Variants in USP54 observed in about 807,000 individuals in gnomAD.
USP54 encodes the protein ubiquitin carboxyl-terminal hydrolase 54.
USP54 carries 87 observed loss-of-function variants against 170.5 expected under a neutral mutation model. That is an observed-to-expected ratio of 0.51 (90% CI 0.43 to 0.61). The LOEUF is 0.61. Among genes scored for constraint, USP54 ranks in the 20% least tolerant of loss-of-function variants. The pLI is 0.00. For missense variants in USP54, 1,786 were observed against 2,047.8 expected (o/e 0.87, Z 2.47); for synonymous variants, 655 against 742.8 (o/e 0.88, Z 1.92).
At chr10:73,551,630 C>T (rs1365836161) in intron 4 of USP54, among the ~76,000 whole-genome samples, 3 of 152,188 alleles carry the variant, frequency 2.0e-5, no homozygotes, top group African/African-American at 7.2e-5. Flanking sequence ...AGAAGGTCAA[C>T]CCAGCTTGGC....
chr10:73,593,436 T>C (rs1207337756), upstream of USP54, among the ~76,000 whole-genome samples: 1 of 151,712 alleles, frequency 6.6e-6, no homozygotes, highest in Non-Finnish European at 1.5e-5. Context: ...GGTACATGAT[T>C]GCTAACTACG....
intron 20 of USP54, among the ~76,000 whole-genome samples, chr10:73,514,553 ACT>A (rs2060749390): frequency 2.0e-5 from 3 of 149,286 alleles, no homozygotes; most frequent in South Asian, 4.3e-4. Flanking sequence ...ACAGAGCGAG[ACT>A]CTGTCTCAAA....
chr10:73,507,016 T>C (rs776033342), intron 20 of USP54: 2 of 151,960 alleles, frequency 1.3e-5, no homozygotes, highest in Non-Finnish European at 2.9e-5. Context: ...TACATTATGG[T>C]TTAATACCAG....
intron 4 of USP54, among the ~76,000 whole-genome samples, chr10:73,569,553 G>A (rs184311119): frequency 5.3e-5 from 8 of 151,928 alleles, no homozygotes; most frequent in East Asian, 3.9e-4. Flanking sequence ...AGGCCGAGGC[G>A]GGCGTCACCT....
rs765904148 is a variant in USP54 at position 73,536,300 on chromosome 10, G to A, written c.1113C>T (p.Tyr371=). The change falls in exon 11 of 24, where the codon TAC becomes TAT. Residue 371 remains tyrosine (Y), a synonymous_variant. Transcript: ENST00000687698. ...CTTCACTGTCGTAGCATGTCCTGCT[G>A]TATGACTGGAACTCAGCTTGGGGAG... ...DLPPQAEFQS[Y]SRTCYDSEDS... is the part of the protein sequence containing the mutation. 6.2e-7 allele frequency: 1 copy of A among 1,614,166 alleles called. No homozygotes were observed. The highest frequency in any genetic ancestry group is 8.5e-7 in the Non-Finnish European group (1 of 1,180,016).
chr10:73,556,534 C>T (rs1055025500), intron 4 of USP54, among the ~76,000 whole-genome samples: 4 of 151,940 alleles, frequency 2.6e-5, no homozygotes, highest in African/African-American at 9.6e-5. Context: ...TTAGTAGAGA[C>T]AGGGTTTCAC....
intron 12 of USP54, among the ~76,000 whole-genome samples, chr10:73,532,510 T>C (rs1481947270): frequency 6.6e-6 from 1 of 152,188 alleles, no homozygotes; most frequent in Admixed American, 6.5e-5. Context: ...CCAATGGGCA[T>C]GTTCAAACCA....
intron 20 of USP54, 197 bp from the exon 21 acceptor site, chr10:73,505,623 C>T (rs1262131228): frequency 1.8e-5 from 8 of 451,464 alleles, no homozygotes; most frequent in Non-Finnish European, 4.0e-6. Flanking sequence ...GTAATCCCAG[C>T]ACTTTGGGAG....
At chr10:73,596,720 CAAAAAAAAAA>C (rs36049099) in intron 1 of USP54, among the ~76,000 whole-genome samples, 50 of 91,858 alleles carry the variant, frequency 5.4e-4, no homozygotes, top group African/African-American at 2.3e-3. Context: ...GATCCTGTCT[CAAAAAAAAAA>C]AAAAAAAAAA....
chr10:73,535,764 G>A (rs1257188703), intron 11 of USP54, among the ~76,000 whole-genome samples: 10 of 152,130 alleles, frequency 6.6e-5, no homozygotes, highest in Admixed American at 3.3e-4. Context: ...GGCTAGGCTC[G>A]AACTCCAGGG....
intron 4 of USP54, among the ~76,000 whole-genome samples, chr10:73,567,392 TG>T (rs1176447142): frequency 2.6e-5 from 4 of 152,056 alleles, no homozygotes; most frequent in Admixed American, 6.6e-5. Context: ...CGTACTGGGC[TG>T]GGTGCAGTGG....
At chr10:73,621,955 C>T (rs900030566) in intron 1 of USP54, among the ~76,000 whole-genome samples, 14 of 152,160 alleles carry the variant, frequency 9.2e-5, no homozygotes, top group Non-Finnish European at 1.8e-4. Flanking sequence ...TCCATTTATA[C>T]CTTCCAAGTC....
At position 73,498,788 on chromosome 10, in the gene USP54, T is replaced by C; in HGVS notation, c.4896A>G (p.Arg1632=). The C allele has an allele frequency of 1.2e-6, 2 of 1,613,352 alleles. No homozygotes were observed. The highest frequency in any genetic ancestry group is 1.7e-6 in the Non-Finnish European group (2 of 1,179,708). The change falls in exon 24 of 24, where the codon CGA becomes CGG. Residue 1632 remains arginine, a synonymous_variant. Transcript: ENST00000687698. ...CATCATCTGGGGGCATATCTACTCT[T>C]CGAGGACCAGGGGTTCGGGACCCTG... ...PVPGSRTPGP[R]RVDMPPDDDW...
rs536790963 is a variant in USP54 at position 73,618,481 on chromosome 10, G to A, written c.-18+7086C>T. On this transcript the variant is annotated intron_variant, in intron 1 of 22. Coordinates refer to the USP54 transcript ENST00000339859. ...GCTGGGGCCGGGCACAGGGGCTCAC[G>A]CCTGTAATCCCAGCACTTTGGGAGG... Among the ~76,000 whole-genome samples the A allele has an allele frequency of 1.0e-4, 15 of 150,414 alleles. No individual in the cohort carries two copies. The South Asian group carries it at 2.3e-3, about 23-fold the overall frequency.
In USP54 at chr10:73,516,731, A is replaced by G. The variant is rs894563633; in HGVS notation, c.3695T>C (p.Ile1232Thr). Residue 1232 changes from isoleucine to threonine, a missense_variant, in exon 20 of 24, where the codon ATA becomes ACA. By Grantham distance (89) the Ile-to-Thr change is moderately conservative. Coordinates refer to ENST00000687698, the MANE Select transcript of USP54 (RefSeq NM_001391956.1). ...CACTTGGGACAGCTTCTCTTGGTAT[A>G]TGTCTGGCTCTGCCAACCTGGGCTG... The part of the protein sequence containing the change: ...GGQPRLAEPD[I>T]YQEKLSQVRD... 1.2e-6 allele frequency: 2 copies of G among 1,614,070 alleles called. No homozygotes were observed. The highest frequency in any genetic ancestry group is 1.7e-6 in the Non-Finnish European group (2 of 1,180,044).
intron 21 of USP54, 91 bp from the exon 22 acceptor site, chr10:73,505,081 G>A: frequency 6.4e-7 from 1 of 1,565,884 alleles, no homozygotes. Context: ...GGAAAGAGTA[G>A]GGGAAGACTC....
chr10:73,533,645 C>T (rs1289255258), intron 12 of USP54, among the ~76,000 whole-genome samples: 3 of 152,094 alleles, frequency 2.0e-5, no homozygotes, highest in African/African-American at 7.2e-5. Flanking sequence ...GGACACTGTT[C>T]TATGCCTTAG....
chr10:73,538,327 C>T (rs984777065), intron 10 of USP54: 1 of 152,234 alleles, frequency 6.6e-6, no homozygotes, highest in South Asian at 2.1e-4. Context: ...TACGTTACTA[C>T]ATGAATTGTG....
chr10:73,602,835 G>A (rs191467460), intron 1 of USP54, among the ~76,000 whole-genome samples: 26 of 116,382 alleles, frequency 2.2e-4, no homozygotes, highest in African/African-American at 5.8e-4. Flanking sequence ...CAGCCTGGGC[G>A]ACAGAGCAAG....
Sources: allele counts gnomAD v4.1 joint callset (sites outside exome capture counted in the v4.1 genomes callset), GRCh38; gene constraint gnomAD v4.1.1; transcripts MANE v1.5; gene names NCBI Gene and HGNC (gene_info 2026-07-23, HGNC 2026-07-21).